Variants in ALKBH8 observed in about 807,000 individuals in gnomAD.
The protein encoded by ALKBH8 is tRNA (carboxymethyluridine(34)-5-O)-methyltransferase ALKBH8.
ALKBH8 carries 36 observed loss-of-function variants against 59.8 expected under a neutral mutation model. The ratio of observed to expected loss-of-function variants is 0.60; its 90% confidence interval spans 0.46 to 0.79. The LOEUF is 0.79. ALKBH8 is among the 30% of genes least tolerant of loss of function. The probability of loss-of-function intolerance (pLI) is 0.00; values close to 1 mark genes in which losing one functional copy is unlikely to be tolerated. For missense variants in ALKBH8, 768 were observed against 801.0 expected (o/e 0.96, Z 0.50); for synonymous variants, 276 against 273.6 (o/e 1.01, Z -0.09).
At position 107,504,540 on chromosome 11, in the gene ALKBH8, G is replaced by T; in HGVS notation, c.*118C>A. 7.5e-7 allele frequency: 1 copy of T among 1,331,782 alleles called. No homozygotes were observed. Among genetic ancestry groups the T allele is most frequent in the Non-Finnish European group, 1.0e-6 (1 of 955,142 alleles). The allele number at this position is 1,331,782 out of a possible 1,614,324, so 82.5% of individuals were successfully genotyped here. Reference sequence around the variant, plus strand: ...AATCCCTACTTCCAAATTTTTCTCAGCTTTCCTTTGGTACTTTCCCACAAG... The same window carrying T: ...AATCCCTACTTCCAAATTTTTCTCATCTTTCCTTTGGTACTTTCCCACAAG... On this transcript the variant is annotated 3_prime_UTR_variant, in exon 12 of 12. Coordinates refer to ENST00000428149, the MANE Select transcript of ALKBH8 (RefSeq NM_138775.3).
At chr11:107,537,667 C>G (rs981560045) in intron 7 of ALKBH8, among the ~76,000 whole-genome samples, 1 of 150,634 alleles carries the variant, frequency 6.6e-6, no homozygotes, top group Non-Finnish European at 1.5e-5. Context: ...ACATGTTTAT[C>G]TATGTAACAA....
chr11:107,557,115 C>T, intron 2 of ALKBH8, 112 bp from the exon 3 acceptor site: 1 of 799,358 alleles, frequency 1.3e-6, no homozygotes, highest in Non-Finnish European at 1.8e-6. Context: ...AAAAAAAAAG[C>T]ATTTCCTTGT....
chr11:107,552,037 A>ATAAT, intron 5 of ALKBH8, 125 bp from the exon 6 acceptor site: 1 of 409,380 alleles, frequency 2.4e-6, no homozygotes, highest in Non-Finnish European at 4.2e-6. Context: ...GTCCATTAAT[A>ATAAT]AACCCACAAG....
chr11:107,549,187 G>T (rs1367678725), intron 7 of ALKBH8, among the ~76,000 whole-genome samples: 3 of 152,058 alleles, frequency 2.0e-5, no homozygotes, highest in Non-Finnish European at 2.9e-5. Context: ...CTGCTTGTAG[G>T]TTGCGTGGAT....
At chr11:107,543,943 CTT>C (rs1343468634) in intron 7 of ALKBH8, among the ~76,000 whole-genome samples, 1 of 152,190 alleles carries the variant, frequency 6.6e-6, no homozygotes, top group Non-Finnish European at 1.5e-5. Context: ...GATGCAAAGA[CTT>C]TGGCCCCGCA....
Position 107,509,706 on chromosome 11 carries a change from T to C in ALKBH8, c.1437+1181A>G, listed in dbSNP as rs537839648. 8.5e-5 allele frequency among the ~76,000 whole-genome samples: 13 copies of C among 152,312 alleles called. 1 individual carries two copies. The South Asian group carries it at 2.7e-3, about 32-fold the overall frequency. ...GTAATGTAAGGATCCAACTTCATTC[T>C]TTTCCATGTGGTCAATGAATTATTT... On this transcript the variant is annotated intron_variant, in intron 11 of 11. Transcript: ENST00000428149.
intron 11 of ALKBH8, among the ~76,000 whole-genome samples, chr11:107,508,930 T>C (rs1862507568): frequency 1.3e-5 from 2 of 152,244 alleles, no homozygotes; most frequent in South Asian, 4.1e-4. Context: ...TTTGAGTTGT[T>C]TGCACCTTTT....
In ALKBH8 at chr11:107,525,483, A is replaced by T; in HGVS notation, c.988T>A (p.Ser330Thr). Residue 330 changes from serine (S) to threonine (T), a missense_variant, in exon 9 of 12, where the codon TCA becomes ACA. Physicochemically the swap from Ser to Thr is moderately conservative, Grantham distance 58 (BLOSUM62 1). Coordinates refer to ENST00000428149, the MANE Select transcript of ALKBH8 (RefSeq NM_138775.3). ...LTLSKRGLRT[S>T]FTFRKVRQTP... ...TGCCTCACTTTCCTAAATGTAAATGATGTTCGTAGTCCCCTCTTGCTTAAA... is the reference window on the plus strand; with the variant it reads ...TGCCTCACTTTCCTAAATGTAAATGTTGTTCGTAGTCCCCTCTTGCTTAAA... The T allele has an allele frequency of 1.3e-6, 2 of 1,545,564 alleles. No individual in the cohort carries two copies. The highest frequency in any genetic ancestry group is 1.7e-6 in the Non-Finnish European group (2 of 1,144,276).
In ALKBH8 at chr11:107,525,572, T is replaced by C. The variant is rs569762874; in HGVS notation, c.899A>G (p.Asp300Gly). ...AAGACTCTCAGATGCTTGAACAGTA[T>C]CAAATTTTCTGCACGTGATTCTAAA... ...WTHGITCRKFDTVQASESLKS... is the reference protein window; with the variant it reads ...WTHGITCRKFGTVQASESLKS... The change falls in exon 9 of 12, where the codon GAT becomes GGT. Residue 300 changes from aspartate to glycine, a missense_variant. Coordinates refer to ENST00000428149, the MANE Select transcript of ALKBH8 (RefSeq NM_138775.3). The C allele has an allele frequency of 1.6e-4, 223 of 1,433,212 alleles. 4 individuals are homozygous for C. In the South Asian group the frequency reaches 3.1e-3, roughly 20 times the overall value. The allele number at this position is 1,433,212 out of a possible 1,614,324, so 88.8% of individuals were successfully genotyped here.
chr11:107,544,137 C>T (rs577735050), intron 7 of ALKBH8, among the ~76,000 whole-genome samples: 2 of 152,272 alleles, frequency 1.3e-5, no homozygotes, highest in Non-Finnish European at 2.9e-5. Context: ...TCTAGTTCTA[C>T]AATCCAGATG....
At chr11:107,530,513 ATCTC>A (rs373443146) in intron 8 of ALKBH8, among the ~76,000 whole-genome samples, 23 of 147,726 alleles carry the variant, frequency 1.6e-4, no homozygotes, top group South Asian at 1.3e-3. Flanking sequence ...ATCATTGGTT[ATCTC>A]TCTCTCTCTC....
chr11:107,559,971 G>A (rs1864872029), intron 2 of ALKBH8, among the ~76,000 whole-genome samples: 2 of 152,092 alleles, frequency 1.3e-5, no homozygotes, highest in Non-Finnish European at 2.9e-5. Context: ...ATAACTTTAT[G>A]AGCCAAAAAG....
intron 7 of ALKBH8, among the ~76,000 whole-genome samples, chr11:107,534,783 TG>T (rs1863741946): frequency 6.6e-6 from 1 of 152,182 alleles, no homozygotes; most frequent in Non-Finnish European, 1.5e-5. Flanking sequence ...AATAGGTTTT[TG>T]GGGAACAGGT....
chr11:107,552,743 ACT>A (rs1374525370), intron 5 of ALKBH8, among the ~76,000 whole-genome samples: 1 of 152,088 alleles, frequency 6.6e-6, no homozygotes, highest in Non-Finnish European at 1.5e-5. Context: ...CCCTTGAGAA[ACT>A]CTTGCACAGG....
In ALKBH8 at chr11:107,522,315, T is replaced by C; in HGVS notation, c.1271A>G (p.Asn424Ser). The stretch of plus-strand genomic sequence containing the variant: ...ATTACTTGCCATATATAACTCCTTA[T>C]TGATGCCAAGATACTTTCCATTACC... ...GCGNGKYLGI[N>S]KELYMIGCDR... Residue 424 changes from asparagine (N) to serine (S), a missense_variant, in exon 10 of 12, where the codon AAT becomes AGT. Asn to Ser is a conservative substitution (Grantham distance 46). Coordinates refer to ENST00000428149, the MANE Select transcript of ALKBH8 (RefSeq NM_138775.3). 1.3e-6 allele frequency: 2 copies of C among 1,551,642 alleles called. No homozygotes were observed. Among genetic ancestry groups the C allele is most frequent in the Middle Eastern group, 1.7e-4 (1 of 5,992 alleles).
intron 10 of ALKBH8, among the ~76,000 whole-genome samples, chr11:107,517,373 T>C (rs1862907634): frequency 6.6e-6 from 1 of 152,074 alleles, no homozygotes; most frequent in Admixed American, 6.6e-5. Flanking sequence ...ACAGACATAT[T>C]AAAAATAGAA....
intron 11 of ALKBH8, among the ~76,000 whole-genome samples, chr11:107,509,268 G>A (rs1430137249): frequency 6.6e-6 from 1 of 152,160 alleles, no homozygotes; most frequent in Non-Finnish European, 1.5e-5. Context: ...TAGTGATGCT[G>A]AGTATCTTTT....
chr11:107,510,989 CCT>C lies in ALKBH8; in HGVS notation c.1333_1334del (p.Arg445AlafsTer8). ...CATCACAGACAAAAGCCTGAAATTG[CCT>C]CTCTCTACAAATGTCCACAAGGTTT... Reference protein sequence around the residue: ...SQNLVDICRERQFQAFVCDAL... With the variant: ...SQNLVDICREXQFQAFVCDAL... On this transcript the variant is annotated frameshift_variant, in exon 11 of 12. Transcript: ENST00000428149. LOFTEE classifies it high-confidence loss of function. The C allele has an allele frequency of 1.4e-5, 21 of 1,551,942 alleles. No homozygotes were observed. Among genetic ancestry groups the C allele is most frequent in the Non-Finnish European group, 1.7e-5 (20 of 1,146,988 alleles).
At chr11:107,509,714 G>A (rs1424789010) in intron 11 of ALKBH8, among the ~76,000 whole-genome samples, 2 of 152,068 alleles carry the variant, frequency 1.3e-5, no homozygotes, top group Non-Finnish European at 2.9e-5. Flanking sequence ...TCTTTTCCAT[G>A]TGGTCAATGA....
Sources: gnomAD v4.1 joint callset for allele counts (sites outside exome capture counted in the v4.1 genomes callset) on GRCh38, gnomAD v4.1.1 for gene constraint, MANE v1.5 for transcripts, NCBI Gene and HGNC (gene_info 2026-07-23, HGNC 2026-07-21) for gene names.